ZNF823: variants seen among roughly 807,000 people sequenced by gnomAD.
The protein encoded by ZNF823 is ZFP 36 for a zinc finger protein.
In ZNF823, 5 loss-of-function variants were observed where a neutral mutation model predicts 11.4. The observed-to-expected ratio is 0.44, with a 90% CI of 0.23 to 0.92. The LOEUF (loss-of-function observed/expected upper bound fraction) is 0.92. Ranked by LOEUF, ZNF823 falls within the 40% of genes least tolerant of loss-of-function variation. ZNF823 has a pLI of 0.24. For missense variants in ZNF823, 582 were observed against 738.5 expected (o/e 0.79, Z 2.46); for synonymous variants, 234 against 250.5 (o/e 0.93, Z 0.62).
chr19:11,724,471 G>A (rs1250006953), intron 2 of ZNF823, among the ~76,000 whole-genome samples: 6 of 151,202 alleles, frequency 4.0e-5, no homozygotes, highest in African/African-American at 1.5e-4. Context: ...CCCTTCCTCA[G>A]CCCACTCAGT....
intron 1 of ZNF823, among the ~76,000 whole-genome samples, chr19:11,737,560 CTTTT>C (rs766360043): frequency 1.7e-4 from 19 of 110,510 alleles, no homozygotes; most frequent in Non-Finnish European, 2.9e-4. Flanking sequence ...CCGCGCCCGG[CTTTT>C]TTTTTTTTTT....
intron 1 of ZNF823, among the ~76,000 whole-genome samples, chr19:11,737,032 C>T (rs2145053792): frequency 6.6e-6 from 1 of 152,288 alleles, no homozygotes; most frequent in Admixed American, 6.5e-5. Flanking sequence ...CTCTGGCTGT[C>T]CTCTGGGAGG....
rs758484250 is a variant in ZNF823 at position 11,723,256 on chromosome 19, G to A, written c.278C>T (p.Pro93Leu). 9 of 1,613,988 alleles carry A rather than the reference G, an allele frequency of 5.6e-6. No individual in the cohort carries two copies. The highest frequency in any genetic ancestry group is 7.6e-6 in the Non-Finnish European group (9 of 1,179,918). ...IPDSIVNKNT[P>L]RVNPCDSGEC... ...ACCACTGTCACATGGATTTACTCGA[G>A]GAGTGTTCTTGTTCACAATACTATC... The change falls in exon 4 of 4, where the codon CCT (proline) becomes CTT (leucine). Residue 93 changes from proline to leucine, a missense_variant. Pro to Leu is a moderately conservative substitution (Grantham distance 98, BLOSUM62 -3). Transcript: ENST00000341191.
Position 11,721,738 on chromosome 19 carries a change from T to G in ZNF823, c.1796A>C (p.His599Pro). Residue 599 changes from histidine to proline, a missense_variant, in exon 4 of 4, where the codon CAT becomes CCT. By Grantham distance (77) the His-to-Pro change is moderately conservative (BLOSUM62 -2). Transcript: ENST00000341191. ...TTTCCAGTGAGTCCTTTTATGTCTA[T>G]GCAAGGAACGGAGAGAACTCAATGC... The part of the protein sequence containing the change: ...GKALSSLRSL[H>P]RHKRTHWKDT... 2 of 1,613,754 alleles carry G rather than the reference T, an allele frequency of 1.2e-6. No homozygotes were observed. Among genetic ancestry groups the G allele is most frequent in the Non-Finnish European group, 1.7e-6 (2 of 1,179,742 alleles).
In ZNF823 at chr19:11,721,767, C is replaced by T. The variant is rs753158959; in HGVS notation, c.1767G>A (p.Gly589=). 1.2e-6 allele frequency: 2 copies of T among 1,614,170 alleles called. No individual in the cohort carries two copies. The highest frequency in any genetic ancestry group is 3.3e-5 in the Admixed American group (2 of 60,024). ...GEKLYECKEC[G]KALSSLRSLH... Reference sequence around the variant, plus strand: ...AGGAACGGAGAGAACTCAATGCTTTCCCACATTCCTTACATTCATACAGCT... The same window carrying T: ...AGGAACGGAGAGAACTCAATGCTTTTCCACATTCCTTACATTCATACAGCT... Residue 589 remains glycine, a synonymous_variant, in exon 4 of 4, where the codon GGG becomes GGA. Transcript: ENST00000341191.
intron 1 of ZNF823, among the ~76,000 whole-genome samples, chr19:11,728,064 A>C (rs1200982824): frequency 6.6e-6 from 1 of 152,082 alleles, no homozygotes; most frequent in Non-Finnish European, 1.5e-5. Context: ...TTTTTAGTAG[A>C]GACGGGGTTT....
intron 1 of ZNF823, among the ~76,000 whole-genome samples, chr19:11,735,339 G>T (rs549478874): frequency 6.7e-6 from 1 of 149,644 alleles, no homozygotes; most frequent in African/African-American, 2.5e-5. Flanking sequence ...GATTCTTGTA[G>T]ATCTTATAGT....
chr19:11,738,774 C>G (rs1373773132), intron 1 of ZNF823, 43 bp downstream of exon 1: 3 of 1,601,530 alleles, frequency 1.9e-6, no homozygotes, highest in Non-Finnish European at 2.6e-6. Flanking sequence ...CGGTTCCAAC[C>G]TGCCCCTTCT....
intron 1 of ZNF823, among the ~76,000 whole-genome samples, chr19:11,733,365 CAA>C (rs34650100): frequency 2.8e-3 from 264 of 95,396 alleles, no homozygotes; most frequent in African/African-American, 8.9e-3. Context: ...GACTCCATCT[CAA>C]AAAAAAAAAA....
chr19:11,738,197 A>G (rs764091148), intron 1 of ZNF823, among the ~76,000 whole-genome samples: 4 of 152,130 alleles, frequency 2.6e-5, no homozygotes, highest in Non-Finnish European at 4.4e-5. Flanking sequence ...AGATCTCTTG[A>G]GAGTTGCTCA....
intron 1 of ZNF823, among the ~76,000 whole-genome samples, chr19:11,732,513 A>G (rs1217136133): frequency 2.6e-5 from 4 of 151,096 alleles, no homozygotes; most frequent in South Asian, 4.2e-4. Context: ...GTTAGCCAGG[A>G]TGGTCTCGAT....
chr19:11,727,435 G>C (rs1437667925), intron 1 of ZNF823, among the ~76,000 whole-genome samples: 2 of 152,016 alleles, frequency 1.3e-5, no homozygotes, highest in East Asian at 3.9e-4. Context: ...GCTTGAACCT[G>C]GGAGGCGGAT....
At chr19:11,723,672 A>G (rs1297741047) in intron 3 of ZNF823, among the ~76,000 whole-genome samples, 1 of 152,118 alleles carries the variant, frequency 6.6e-6, no homozygotes, top group Non-Finnish European at 1.5e-5. Flanking sequence ...CAGCCTCCCA[A>G]GTAGCTGGGA....
chr19:11,738,908 C>T lies in ZNF823; in HGVS notation c.-89G>A. 1 of 1,496,760 alleles carries T rather than the reference C, an allele frequency of 6.7e-7. No homozygotes were observed. The highest frequency in any genetic ancestry group is 9.0e-7 in the Non-Finnish European group (1 of 1,114,138). The allele number at this position is 1,496,760 out of a possible 1,614,324, so 92.7% of individuals were successfully genotyped here. A position where few individuals can be genotyped will look rare whatever the true frequency, so the allele number is the denominator to read the frequency against. ...CGCTGATACAGACCTTCCAGGGCGTCTCTCTCTCAGCGCCAGAGCCAGGAC... is the reference window on the plus strand; with the variant it reads ...CGCTGATACAGACCTTCCAGGGCGTTTCTCTCTCAGCGCCAGAGCCAGGAC... On this transcript the variant is annotated 5_prime_UTR_variant, in exon 1 of 4. Transcript: ENST00000341191.
Position 11,723,119 on chromosome 19 carries a change from T to G in ZNF823, c.415A>C (p.Lys139Gln), listed in dbSNP as rs1458044110. The change falls in exon 4 of 4, where the codon AAA becomes CAA. Residue 139 changes from lysine to glutamine, a missense_variant. By Grantham distance (53) the Lys-to-Gln change is moderately conservative. Around this residue, in one of 3 missense-constraint regions of ZNF823, gnomAD observed 429 missense variants for 553.7 expected, o/e 0.77. Coordinates refer to ENST00000341191, the MANE Select transcript of ZNF823 (RefSeq NM_001080493.4). ...QEYGEKPYTH[K>Q]QRGKAISHQH... ...TGACTGATGGCTTTCCCACGTTGTT[T>G]ATGTGTATATGGCTTCTCTCCATAT... The G allele has an allele frequency of 6.2e-7, 1 of 1,614,230 alleles. No individual in the cohort carries two copies. The highest frequency in any genetic ancestry group is 8.5e-7 in the Non-Finnish European group (1 of 1,180,044).
At chr19:11,737,317 G>A (rs1425857069) in intron 1 of ZNF823, among the ~76,000 whole-genome samples, 1 of 152,084 alleles carries the variant, frequency 6.6e-6, no homozygotes, top group African/African-American at 2.4e-5. Context: ...AGGCTGGAGT[G>A]CAATGGCGTG....
Position 11,722,923 on chromosome 19 carries a change from G to A in ZNF823, c.611C>T (p.Pro204Leu). The A allele has an allele frequency of 6.2e-7, 1 of 1,614,014 alleles. No individual in the cohort carries two copies. Among genetic ancestry groups the A allele is most frequent in the South Asian group, 1.1e-5 (1 of 91,062 alleles). ...CKLCGKAFVWPSLFHLHERTH... is the reference protein window; with the variant it reads ...CKLCGKAFVWLSLFHLHERTH... ...TCTTTCGTGCAAATGAAATAAACTG[G>A]GCCAAACAAAGGCTTTCCCACACAA... Residue 204 changes from proline (P) to leucine (L), a missense_variant, in exon 4 of 4, where the codon CCC (proline) becomes CTC (leucine). This residue lies in a region of ZNF823 where 429 missense variants were observed against 553.7 expected (regional missense o/e 0.77). Transcript: ENST00000341191. The surrounding 1 kb of genome is among the most constrained non-coding windows in gnomAD (Gnocchi z 5.2).
chr19:11,728,170 C>T (rs1423819031), intron 1 of ZNF823, among the ~76,000 whole-genome samples: 2 of 152,174 alleles, frequency 1.3e-5, no homozygotes, highest in African/African-American at 4.8e-5. Flanking sequence ...AGCCACAGCG[C>T]CCGGCCAAGA....
chr19:11,729,454 A>G (rs1974854798), intron 1 of ZNF823, among the ~76,000 whole-genome samples: 1 of 152,244 alleles, frequency 6.6e-6, no homozygotes, highest in Admixed American at 6.5e-5. Context: ...AAAACAAATC[A>G]TCAAAATACA....
Sources: gnomAD v4.1 joint callset for allele counts (sites outside exome capture counted in the v4.1 genomes callset) on GRCh38, gnomAD v4.1.1 for gene constraint, gnomAD v4.1.1 regional missense constraint, Gnocchi (gnomAD v3.1) non-coding constraint, MANE v1.5 for transcripts, NCBI Gene and HGNC (gene_info 2026-07-23, HGNC 2026-07-21) for gene names.